The following KCNAB3 variants were observed in gnomAD, a reference collection of about 807,000 sequenced individuals.
KCNAB3 encodes voltage-gated potassium channel subunit beta-3.
KCNAB3 carries 62 observed loss-of-function variants against 67.7 expected under a neutral mutation model. The ratio of observed to expected loss-of-function variants is 0.92; its 90% confidence interval spans 0.75 to 1.13. KCNAB3 has a LOEUF of 1.13. KCNAB3 is among the 50% of genes most tolerant of loss of function. The pLI is 0.00. For missense variants in KCNAB3, 514 were observed against 522.9 expected (o/e 0.98, Z 0.17); for synonymous variants, 212 against 205.4 (o/e 1.03, Z -0.27).
At position 7,925,769 on chromosome 17, in the gene KCNAB3, G is replaced by A. The variant is rs112531903; in HGVS notation, c.495-43C>T. 9.5e-3 allele frequency: 15,354 copies of A among 1,612,764 alleles called. 104 individuals carry two copies. The highest frequency in any genetic ancestry group is 0.011 in the Non-Finnish European group (13,324 of 1,178,794). The stretch of plus-strand genomic sequence containing the variant: ...TCAAAGATGAGATGTGACAAAGATA[G>A]GGGACCGGGGCTGGCTTGGAGCCAT... On this transcript the variant is annotated intron_variant, in intron 6 of 13. Transcript: ENST00000303790.
intron 4 of KCNAB3, among the ~76,000 whole-genome samples, chr17:7,926,610 A>G (rs8070212): frequency 0.62 from 95,092 of 152,192 alleles, 31,467 homozygotes; most frequent in East Asian, 1. Flanking sequence ...GAGCTCACTT[A>G]TGACAAGTCT....
At position 7,929,584 on chromosome 17, in the gene KCNAB3, T is replaced by A; in HGVS notation, c.-149A>T. 1 of 1,440,572 alleles carries A rather than the reference T, an allele frequency of 6.9e-7. No homozygotes were observed. Among genetic ancestry groups the A allele is most frequent in the Non-Finnish European group, 9.0e-7 (1 of 1,106,618 alleles). The allele number at this position is 1,440,572 out of a possible 1,614,324, so 89.2% of individuals were successfully genotyped here. A position where few individuals can be genotyped will look rare whatever the true frequency, so the allele number is the denominator to read the frequency against. On this transcript the variant is annotated 5_prime_UTR_variant, in exon 1 of 14. Transcript: ENST00000303790. This position sits in a 1 kb window ranked among gnomAD's most constrained non-coding sequence, Gnocchi z 5.7. Reference sequence around the variant, plus strand: ...CTGCGGCGGGAGCCGCCAGGCAGGATCGGGCCCGCGGGGGCGGGCTGCTGG... The same window carrying A: ...CTGCGGCGGGAGCCGCCAGGCAGGAACGGGCCCGCGGGGGCGGGCTGCTGG...
At position 7,922,810 on chromosome 17, in the gene KCNAB3, C is replaced by A. The variant is rs1318555639; in HGVS notation, c.*292G>T. ...GGAATAAGGGGAGGAGAGTAGGGAG[C>A]GAGACGAAGTGGCAGAGAGCCGACG... On this transcript the variant is annotated 3_prime_UTR_variant, in exon 14 of 14. Transcript: ENST00000303790. 4.0e-6 allele frequency: 2 copies of A among 503,306 alleles called. No homozygotes were observed. Among genetic ancestry groups the A allele is most frequent in the Non-Finnish European group, 7.2e-6 (2 of 276,034 alleles). The allele number at this position is 503,306 out of a possible 1,614,324, so 31.2% of individuals were successfully genotyped here.
At position 7,925,708 on chromosome 17, in the gene KCNAB3, A is replaced by T. The variant is rs776541406; in HGVS notation, c.513T>A (p.Gly171=). The part of the protein sequence containing the change: ...FWGGQAETER[G]LSRKHIIEGL... ...CCTCAATGATGTGCTTTCGGCTTAA[A>T]CCTCGCTCGGTTTCTGCCCTGTAGG... The change falls in exon 7 of 14, where the codon GGT becomes GGA. Residue 171 remains glycine, a synonymous_variant. Coordinates refer to ENST00000303790, the MANE Select transcript of KCNAB3 (RefSeq NM_004732.4). 3 of 1,613,470 alleles carry T rather than the reference A, an allele frequency of 1.9e-6. No homozygotes were observed. In the African/African-American group the frequency reaches 4.0e-5, roughly 22 times the overall value.
chr17:7,924,409 A>G lies in KCNAB3; in HGVS notation c.711+6T>C, dbSNP rs1341180393. 5.0e-6 allele frequency: 8 copies of G among 1,612,964 alleles called. No homozygotes were observed. The highest frequency in any genetic ancestry group is 6.8e-6 in the Non-Finnish European group (8 of 1,179,304). Reference sequence around the variant, plus strand: ...GGACAGGGGCAAGGTGGGGTCACACACTCACCATGATTTCTGCAGCCCCCC... The same window carrying G: ...GGACAGGGGCAAGGTGGGGTCACACGCTCACCATGATTTCTGCAGCCCCCC... On this transcript the variant is annotated splice_donor_region_variant and intron_variant, in intron 9 of 13. Coordinates refer to ENST00000303790, the MANE Select transcript of KCNAB3 (RefSeq NM_004732.4).
chr17:7,924,897 C>T, intron 8 of KCNAB3, 200 bp downstream of exon 8: 1 of 581,724 alleles, frequency 1.7e-6, no homozygotes, highest in South Asian at 2.2e-5. Context: ...GCACACACCA[C>T]CACAGCCAGC....
chr17:7,929,832 GCC>G lies in KCNAB3; in HGVS notation c.-399_-398del. ...CGCTGCGGGACCCGCTGGGCTCCCA[GCC>G]GCGTCGGCAGCGGGCCCAGCTCATC... On this transcript the variant is annotated 5_prime_UTR_variant, in exon 1 of 14. Coordinates refer to ENST00000303790, the MANE Select transcript of KCNAB3 (RefSeq NM_004732.4). The surrounding 1 kb of genome is among the most constrained non-coding windows in gnomAD (Gnocchi z 5.7). 29 of 1,025,670 alleles carry G rather than the reference GCC, an allele frequency of 2.8e-5. No homozygotes were observed. The highest frequency in any genetic ancestry group is 1.7e-4 in the Admixed American group (3 of 17,998). 63.5% of individuals were successfully genotyped at this position (1,025,670 alleles called of 1,614,324 possible).
rs556365929 is a variant in KCNAB3 at position 7,929,323 on chromosome 17, C to G, written c.113G>C (p.Gly38Ala). Residue 38 changes from glycine to alanine, a missense_variant, in exon 1 of 14, where the codon GGG (glycine) becomes GCG (alanine). Coordinates refer to ENST00000303790, the MANE Select transcript of KCNAB3 (RefSeq NM_004732.4). This position sits in a 1 kb window ranked among gnomAD's most constrained non-coding sequence, Gnocchi z 5.7. ...ACCCCCCGGAGGATTCCCGTGCCCC[C>G]CGCCGGCCGGCCCACCATTACCGCC... is the stretch of plus-strand genomic sequence containing the variant. ...PGGGNGGPAG[G>A]GHGNPPGGGG... The G allele has an allele frequency of 1.9e-5, 29 of 1,552,352 alleles. No individual in the cohort carries two copies. Among genetic ancestry groups the G allele is most frequent in the Non-Finnish European group, 2.4e-5 (27 of 1,148,572 alleles).
At chr17:7,925,628 T>G (rs1259488102) in intron 7 of KCNAB3, 55 bp downstream of exon 7, 30 of 1,558,860 alleles carry the variant, frequency 1.9e-5, no homozygotes, top group Non-Finnish European at 2.7e-5. Flanking sequence ...GAATGTTCCC[T>G]ACTCCTCTGG....
rs1309457175 is a variant in KCNAB3 at position 7,927,457 on chromosome 17, G to T, written c.325-34C>A. 3 of 1,593,624 alleles carry T rather than the reference G, an allele frequency of 1.9e-6. No individual in the cohort carries two copies. The Admixed American group carries it at 5.0e-5, about 27-fold the overall frequency. ...GTGAAAGAGGTAAAGATCAACTACT[G>T]CTCCTCAGTTACCTCCCTCACTGTA... On this transcript the variant is annotated intron_variant, in intron 3 of 13. Coordinates refer to ENST00000303790, the MANE Select transcript of KCNAB3 (RefSeq NM_004732.4).
chr17:7,924,672 A>T, intron 8 of KCNAB3, 172 bp from the exon 9 acceptor site: 1 of 1,377,396 alleles, frequency 7.3e-7, no homozygotes, highest in South Asian at 1.9e-5. Flanking sequence ...CTCAGCCTCC[A>T]CTGTGGAGTT....
Position 7,922,130 on chromosome 17 carries a change from C to G in KCNAB3, c.*972G>C, listed in dbSNP as rs1197539974. ...AATGTTAGGGGGCGAGAGGGCCAGA[C>G]AAGTGAGACTGTGACCCTAACCTCC... is the stretch of plus-strand genomic sequence containing the variant. On this transcript the variant is annotated 3_prime_UTR_variant, in exon 14 of 14. Coordinates refer to ENST00000303790, the MANE Select transcript of KCNAB3 (RefSeq NM_004732.4). The G allele has an allele frequency of 6.6e-6, 1 of 152,154 alleles. No individual in the cohort carries two copies. The highest frequency in any genetic ancestry group is 6.5e-5 in the Admixed American group (1 of 15,276). The allele number at this position is 152,154 out of a possible 1,614,324, so 9.4% of individuals were successfully genotyped here.
At position 7,929,454 on chromosome 17, in the gene KCNAB3, G is replaced by C; in HGVS notation, c.-19C>G. ...CCTGCATGCTGGCTGGCCGAGGCGG[G>C]GGAGGGGGCTCCGAGGGGACGGGAG... On this transcript the variant is annotated 5_prime_UTR_variant, in exon 1 of 14. Coordinates refer to ENST00000303790, the MANE Select transcript of KCNAB3 (RefSeq NM_004732.4). The surrounding 1 kb of genome is among the most constrained non-coding windows in gnomAD (Gnocchi z 5.7). The C allele has an allele frequency of 2.6e-6, 4 of 1,530,254 alleles. No individual in the cohort carries two copies. Among genetic ancestry groups the C allele is most frequent in the South Asian group, 1.2e-5 (1 of 83,022 alleles). 94.8% of individuals were successfully genotyped at this position (1,530,254 alleles called of 1,614,324 possible).
chr17:7,928,972 A>T (rs1452890843), intron 1 of KCNAB3: 1 of 683,806 alleles, frequency 1.5e-6, no homozygotes, highest in Non-Finnish European at 2.4e-6. Flanking sequence ...CCTGGGTCTG[A>T]CAGGACCCAG....
chr17:7,929,602 G>A lies in KCNAB3; in HGVS notation c.-167C>T. The A allele has an allele frequency of 7.0e-7, 1 of 1,435,850 alleles. No individual in the cohort carries two copies. Among genetic ancestry groups the A allele is most frequent in the Non-Finnish European group, 9.1e-7 (1 of 1,103,692 alleles). 88.9% of individuals were successfully genotyped at this position (1,435,850 alleles called of 1,614,324 possible). A position where few individuals can be genotyped will look rare whatever the true frequency, so the allele number is the denominator to read the frequency against. ...GGCAGGATCGGGCCCGCGGGGGCGGGCTGCTGGAGGTCGCGAGGTTTGCGG... is the reference window on the plus strand; with the variant it reads ...GGCAGGATCGGGCCCGCGGGGGCGGACTGCTGGAGGTCGCGAGGTTTGCGG... On this transcript the variant is annotated 5_prime_UTR_variant, in exon 1 of 14. Coordinates refer to ENST00000303790, the MANE Select transcript of KCNAB3 (RefSeq NM_004732.4). This position sits in a 1 kb window ranked among gnomAD's most constrained non-coding sequence, Gnocchi z 5.7.
rs750220529 is a variant in KCNAB3, at chr17:7,927,695, C to T, written c.287-1G>A. On this transcript the variant is annotated splice_acceptor_variant, in intron 2 of 13. Coordinates refer to ENST00000303790, the MANE Select transcript of KCNAB3 (RefSeq NM_004732.4). LOFTEE classifies it high-confidence loss of function. ...TGAGAACCAAATGTGACCCAGGTACCTGCAAGAGAGAAGCCAGGCACATGA... is the reference window on the plus strand; with the variant it reads ...TGAGAACCAAATGTGACCCAGGTACTTGCAAGAGAGAAGCCAGGCACATGA... 6.2e-7 allele frequency: 1 copy of T among 1,614,160 alleles called. No homozygotes were observed. The highest frequency in any genetic ancestry group is 8.5e-7 in the Non-Finnish European group (1 of 1,180,024).
intron 13 of KCNAB3, 74 bp from the exon 14 acceptor site, chr17:7,923,253 C>T: frequency 6.8e-7 from 1 of 1,464,008 alleles, no homozygotes. Context: ...TTCCAGTAGC[C>T]GGGGAAGCAC....
chr17:7,923,564 A>C lies in KCNAB3; in HGVS notation c.1049-20T>G, dbSNP rs1972119639. 6.3e-7 allele frequency: 1 copy of C among 1,587,116 alleles called. No individual in the cohort carries two copies. The highest frequency in any genetic ancestry group is 8.6e-7 in the Non-Finnish European group (1 of 1,166,640). On this transcript the variant is annotated intron_variant, in intron 12 of 13. Coordinates refer to ENST00000303790, the MANE Select transcript of KCNAB3 (RefSeq NM_004732.4). ...ACCACGCTGGGGCCAGAGGAGGAAA[A>C]AAAGAGGACTGATGGGGAACAGTGA...
Position 7,929,054 on chromosome 17 carries a change from G to A in KCNAB3, c.242+140C>T. 2 of 1,294,756 alleles carry A rather than the reference G, an allele frequency of 1.5e-6. No individual in the cohort carries two copies. The highest frequency in any genetic ancestry group is 2.1e-6 in the Non-Finnish European group (2 of 954,690). The allele number at this position is 1,294,756 out of a possible 1,614,324, so 80.2% of individuals were successfully genotyped here. ...ACCAAGAGAGGGACAAAGTGAGGGA[G>A]TGCCAGAGACAGAAAGAAGAGATGG... is the stretch of plus-strand genomic sequence containing the variant. On this transcript the variant is annotated intron_variant, in intron 1 of 13. Transcript: ENST00000303790. The surrounding 1 kb of genome is among the most constrained non-coding windows in gnomAD (Gnocchi z 5.7).
Sources: gnomAD v4.1 joint callset for allele counts (sites outside exome capture counted in the v4.1 genomes callset) on GRCh38, gnomAD v4.1.1 for gene constraint, Gnocchi (gnomAD v3.1) non-coding constraint, MANE v1.5 for transcripts, NCBI Gene and HGNC (gene_info 2026-07-23, HGNC 2026-07-21) for gene names.